INA: variants seen among roughly 807,000 people sequenced by gnomAD.
INA encodes alpha-internexin.
In INA, 35 loss-of-function variants were observed where a neutral mutation model predicts 40.1. The ratio of observed to expected loss-of-function variants is 0.87; its 90% CI spans 0.67 to 1.16. INA has a LOEUF of 1.16. Ranked by LOEUF, INA falls within the 50% of genes most tolerant of loss-of-function variation. The probability of loss-of-function intolerance (pLI) is 0.00; values close to 1 mark genes in which losing one functional copy is unlikely to be tolerated. For synonymous variants in INA, 290 were observed against 316.9 expected (o/e 0.92, Z 0.90); for missense variants, 594 against 686.7 (o/e 0.87, Z 1.51).
At chr10:103,285,378 C>T (rs2093083300) in intron 1 of INA, among the ~76,000 whole-genome samples, 1 of 151,822 alleles carries the variant, frequency 6.6e-6, no homozygotes, top group Non-Finnish European at 1.5e-5. Flanking sequence ...TCACTGCAAC[C>T]TCTGCCTTCC....
intron 2 of INA, among the ~76,000 whole-genome samples, 195 bp from the exon 3 acceptor site, chr10:103,288,165 G>GGT (rs1592045410): frequency 6.6e-6 from 1 of 152,068 alleles, no homozygotes; most frequent in Admixed American, 6.6e-5. Context: ...GCTGAAGGGG[G>GGT]GTGTGTGTGT....
In INA at chr10:103,278,823, G is replaced by A. The variant is rs971189391; in HGVS notation, c.1065+547G>A. On this transcript the variant is annotated intron_variant, in intron 1 of 2. Coordinates refer to ENST00000369849, the MANE Select transcript of INA (RefSeq NM_032727.4). The surrounding 1 kb of genome is among the most constrained non-coding windows in gnomAD (Gnocchi z 4.9). Reference sequence around the variant, plus strand: ...TAGAGATTGGGAGCCAACAAGCTGAGCGATGCTTGAGCTAGTAGTAACCAC... The same window carrying A: ...TAGAGATTGGGAGCCAACAAGCTGAACGATGCTTGAGCTAGTAGTAACCAC... Among the ~76,000 whole-genome samples the A allele has an allele frequency of 2.0e-4, 31 of 151,702 alleles. No homozygotes were observed. Among genetic ancestry groups the A allele is most frequent in the African/African-American group, 7.0e-4 (29 of 41,372 alleles).
chr10:103,286,949 G>A, intron 1 of INA, 86 bp from the exon 2 acceptor site: 1 of 1,415,718 alleles, frequency 7.1e-7, no homozygotes, highest in South Asian at 1.3e-5. Context: ...TTAATGTGTA[G>A]TCAGGGCTGG....
chr10:103,280,779 A>G lies in INA; in HGVS notation c.1065+2503A>G, dbSNP rs2093070940. ...AGGAAGAGCTAAGGCTATTGTCTTC[A>G]AAAGCCAAATGCAACTCCCCTCTGC... On this transcript the variant is annotated intron_variant, in intron 1 of 2. Coordinates refer to ENST00000369849, the MANE Select transcript of INA (RefSeq NM_032727.4). 4 of 985,476 alleles carry G rather than the reference A, an allele frequency of 4.1e-6. No individual in the cohort carries two copies. In the East Asian group the frequency reaches 4.5e-4, roughly 112 times the overall value. The allele number at this position is 985,476 out of a possible 1,614,324, so 61.0% of individuals were successfully genotyped here.
chr10:103,279,047 C>G (rs566412123), intron 1 of INA, among the ~76,000 whole-genome samples: 2 of 152,272 alleles, frequency 1.3e-5, no homozygotes, highest in South Asian at 4.2e-4. Flanking sequence ...CTTCCCATCT[C>G]AGAAATTATG....
intron 1 of INA, among the ~76,000 whole-genome samples, chr10:103,281,831 G>C (rs1017037025): frequency 2.0e-5 from 3 of 152,198 alleles, no homozygotes; most frequent in Non-Finnish European, 4.4e-5. Context: ...TCCAGCCACG[G>C]GCTGCGATGC....
chr10:103,281,597 A>T (rs1396794673), intron 1 of INA, among the ~76,000 whole-genome samples: 5 of 152,216 alleles, frequency 3.3e-5, no homozygotes. Context: ...GTGAGAATAA[A>T]GCACGCATGG....
chr10:103,278,394 G>C lies in INA; in HGVS notation c.1065+118G>C. On this transcript the variant is annotated intron_variant, in intron 1 of 2. Coordinates refer to ENST00000369849, the MANE Select transcript of INA (RefSeq NM_032727.4). This position sits in a 1 kb window ranked among gnomAD's most constrained non-coding sequence, Gnocchi z 4.9. ...GGAGGGCAAAAGAGAGGAGAGAAGA[G>C]CCGCGGCTGGAGGCGCTGGTTAACA... 1 of 832,150 alleles carries C rather than the reference G, an allele frequency of 1.2e-6. No individual in the cohort carries two copies. The highest frequency in any genetic ancestry group is 1.8e-6 in the Non-Finnish European group (1 of 551,760). The allele number at this position is 832,150 out of a possible 1,614,324, so 51.5% of individuals were successfully genotyped here.
chr10:103,279,041 CCAT>C (rs1242653680), intron 1 of INA, among the ~76,000 whole-genome samples: 1 of 152,104 alleles, frequency 6.6e-6, no homozygotes, highest in Non-Finnish European at 1.5e-5. Context: ...CGAGTTCTTC[CCAT>C]CTCAGAAATT....
chr10:103,279,909 T>G, intron 1 of INA: 23 of 1,285,128 alleles, frequency 1.8e-5, no homozygotes, highest in Non-Finnish European at 2.2e-5. Flanking sequence ...TTAATCACAT[T>G]TGGCTAATTG....
Position 103,277,936 on chromosome 10 carries a change from T to G in INA, c.725T>G (p.Leu242Arg), listed in dbSNP as rs775926473. 4 of 1,554,870 alleles carry G rather than the reference T, an allele frequency of 2.6e-6. No individual in the cohort carries two copies. In the South Asian group the frequency reaches 4.7e-5, roughly 18 times the overall value. Reference protein sequence around the residue: ...DEEVAELLATLQASSQAAAEV... With the variant: ...DEEVAELLATRQASSQAAAEV... ...GAGGTAGCCGAGCTGCTGGCCACGC[T>G]GCAGGCGTCGTCGCAGGCCGCGGCC... The change falls in exon 1 of 3, where the codon CTG becomes CGG. Residue 242 changes from leucine to arginine, a missense_variant. Transcript: ENST00000369849. This position sits in a 1 kb window ranked among gnomAD's most constrained non-coding sequence, Gnocchi z 5.6.
intron 1 of INA, among the ~76,000 whole-genome samples, chr10:103,283,907 C>G (rs1424118440): frequency 6.6e-6 from 1 of 151,866 alleles, no homozygotes; most frequent in African/African-American, 2.4e-5. Flanking sequence ...CACGCCACCA[C>G]GCCCAGCTAA....
chr10:103,277,400 C>A lies in INA; in HGVS notation c.189C>A (p.Gly63=), dbSNP rs1063454. Residue 63 remains glycine (G), a synonymous_variant, in exon 1 of 3, where the codon GGC becomes GGA. Coordinates refer to ENST00000369849, the MANE Select transcript of INA (RefSeq NM_032727.4). This position sits in a 1 kb window ranked among gnomAD's most constrained non-coding sequence, Gnocchi z 5.6. The part of the protein sequence containing the change: ...ACSSASSLGL[G]LAYRRPPASD... ...CCTCGGCCTCGTCGCTCGGCCTCGG[C>A]CTGGCCTATCGCCGGCCGCCGGCGT... The A allele has an allele frequency of 6.4e-7, 1 of 1,559,928 alleles. No individual in the cohort carries two copies.
At chr10:103,280,410 A>T in intron 1 of INA, 16 of 985,454 alleles carry the variant, frequency 1.6e-5, no homozygotes, top group Non-Finnish European at 1.7e-5. Context: ...CAATCTTAGC[A>T]GTGCTGACCA....
Position 103,278,390 on chromosome 10 carries a change from A to C in INA, c.1065+114A>C. ...AAGGGGAGGGCAAAAGAGAGGAGAG[A>C]AGAGCCGCGGCTGGAGGCGCTGGTT... On this transcript the variant is annotated intron_variant, in intron 1 of 2. Coordinates refer to ENST00000369849, the MANE Select transcript of INA (RefSeq NM_032727.4). This position sits in a 1 kb window ranked among gnomAD's most constrained non-coding sequence, Gnocchi z 4.9. The C allele has an allele frequency of 1.2e-6, 1 of 861,234 alleles. No homozygotes were observed. The allele number at this position is 861,234 out of a possible 1,614,324, so 53.3% of individuals were successfully genotyped here. A position where few individuals can be genotyped will look rare whatever the true frequency, so the allele number is the denominator to read the frequency against.
chr10:103,288,781 G>T lies in INA; in HGVS notation c.*112G>T, dbSNP rs578149021. 466 of 697,346 alleles carry T rather than the reference G, an allele frequency of 6.7e-4. No homozygotes were observed. The highest frequency in any genetic ancestry group is 1.0e-3 in the Non-Finnish European group (429 of 419,464). The allele number at this position is 697,346 out of a possible 1,614,324, so 43.2% of individuals were successfully genotyped here. A position where few individuals can be genotyped will look rare whatever the true frequency, so the allele number is the denominator to read the frequency against. On this transcript the variant is annotated 3_prime_UTR_variant, in exon 3 of 3. Transcript: ENST00000369849. Reference sequence around the variant, plus strand: ...GCCACCACTATAAAATGTCTTCAAGGCTTCAGTCTCATATTTAGTATTGAA... The same window carrying T: ...GCCACCACTATAAAATGTCTTCAAGTCTTCAGTCTCATATTTAGTATTGAA...
At position 103,288,728 on chromosome 10, in the gene INA, A is replaced by G; in HGVS notation, c.*59A>G. ...GGAATGATATGCATTTGACTTGTTAAACAGCCTATTCCTGAACTATAACAC... is the reference window on the plus strand; with the variant it reads ...GGAATGATATGCATTTGACTTGTTAGACAGCCTATTCCTGAACTATAACAC... On this transcript the variant is annotated 3_prime_UTR_variant, in exon 3 of 3. Coordinates refer to ENST00000369849, the MANE Select transcript of INA (RefSeq NM_032727.4). 1 of 1,123,482 alleles carries G rather than the reference A, an allele frequency of 8.9e-7. No individual in the cohort carries two copies. The highest frequency in any genetic ancestry group is 1.3e-6 in the Non-Finnish European group (1 of 784,206). The allele number at this position is 1,123,482 out of a possible 1,614,324, so 69.6% of individuals were successfully genotyped here. A position where few individuals can be genotyped will look rare whatever the true frequency, so the allele number is the denominator to read the frequency against.
Position 103,288,402 on chromosome 10 carries a change from G to T in INA, c.1233G>T (p.Gly411=). The change falls in exon 3 of 3, where the codon GGG becomes GGT. Residue 411 remains glycine, a synonymous_variant. Transcript: ENST00000369849. ...AGGAGACACGTTTTAGCACCAGTGG[G>T]TTAAGCATTTCGGGGCTGAATCCAC... ...EGEETRFSTS[G]LSISGLNPLP... is the part of the protein sequence containing the mutation. 6.2e-7 allele frequency: 1 copy of T among 1,612,222 alleles called. No homozygotes were observed. Among genetic ancestry groups the T allele is most frequent in the Non-Finnish European group, 8.5e-7 (1 of 1,179,572 alleles).
chr10:103,288,607 T>C lies in INA; in HGVS notation c.1438T>C (p.Ser480Pro), dbSNP rs1564716337. Residue 480 changes from serine (S) to proline (P), a missense_variant, in exon 3 of 3, where the codon TCT becomes CCT. This residue lies in a region of INA where 379 missense variants were observed against 496.1 expected (regional missense o/e 0.76). Coordinates refer to ENST00000369849, the MANE Select transcript of INA (RefSeq NM_032727.4). ...AGAAATATTAGAGGAGACAGTAATA[T>C]CTACTAAGAAAACCGAGAAATCAAA... ...FEEILEETVI[S>P]TKKTEKSNIE... is the part of the protein sequence containing the mutation. 2 of 1,602,362 alleles carry C rather than the reference T, an allele frequency of 1.2e-6. No individual in the cohort carries two copies. Among genetic ancestry groups the C allele is most frequent in the Non-Finnish European group, 1.7e-6 (2 of 1,176,620 alleles).
Sources: allele counts gnomAD v4.1 joint callset (sites outside exome capture counted in the v4.1 genomes callset), GRCh38; gene constraint gnomAD v4.1.1; regional missense constraint gnomAD v4.1.1; non-coding constraint Gnocchi (gnomAD v3.1); transcripts MANE v1.5; gene names NCBI Gene and HGNC (gene_info 2026-07-23, HGNC 2026-07-21).